TRIM71: variants seen among roughly 807,000 people sequenced by gnomAD.
The protein encoded by TRIM71 is E3 ubiquitin-protein ligase TRIM71.
A neutral mutation model predicts 61.2 loss-of-function variants in TRIM71; 9 were observed. That is an observed-to-expected ratio of 0.15 (90% CI 0.09 to 0.26). The LOEUF is 0.26. Among genes scored for constraint, TRIM71 ranks in the 10% least tolerant of loss-of-function variants. The pLI is 1.00. For missense variants in TRIM71, 998 were observed against 1,238.7 expected (o/e 0.81, Z 2.92); for synonymous variants, 645 against 553.2 (o/e 1.17, Z -2.33).
intron 3 of TRIM71, among the ~76,000 whole-genome samples, chr3:32,888,453 A>G (rs1273358972): frequency 1.3e-5 from 1 of 76,048 alleles, no homozygotes; most frequent in African/African-American, 3.9e-5. Flanking sequence ...AAAAAAAAAA[A>G]AAAAAAAAAA....
chr3:32,849,828 C>G (rs1463681715), intron 1 of TRIM71, among the ~76,000 whole-genome samples: 1 of 152,160 alleles, frequency 6.6e-6, no homozygotes, highest in Non-Finnish European at 1.5e-5. Context: ...TGTGTACTTT[C>G]TCTCCAGAAA....
chr3:32,844,092 C>G (rs548357900), intron 1 of TRIM71, among the ~76,000 whole-genome samples: 2 of 152,162 alleles, frequency 1.3e-5, no homozygotes, highest in African/African-American at 4.8e-5. Flanking sequence ...CCCATGCTTT[C>G]TCGCGTCGTC....
chr3:32,867,439 G>A (rs945880673), intron 1 of TRIM71, among the ~76,000 whole-genome samples: 1 of 152,122 alleles, frequency 6.6e-6, no homozygotes, highest in African/African-American at 2.4e-5. Flanking sequence ...GTGTGTGTGT[G>A]TATGTGTGTA....
intron 2 of TRIM71, among the ~76,000 whole-genome samples, chr3:32,883,597 C>T (rs1407864538): frequency 6.6e-6 from 1 of 152,242 alleles, no homozygotes; most frequent in African/African-American, 2.4e-5. Flanking sequence ...ACTATAACCT[C>T]ATCTTAGCTA....
In TRIM71 at chr3:32,848,494, G is replaced by A. The variant is rs113088783; in HGVS notation, c.853-25324G>A. On this transcript the variant is annotated intron_variant, in intron 1 of 3. Coordinates refer to ENST00000383763, the MANE Select transcript of TRIM71 (RefSeq NM_001039111.3). The stretch of plus-strand genomic sequence containing the variant: ...TCAGGGCATGAAGCCGTTGTGGAAG[G>A]TTCCCTCCGAAGAAATAAGGGGATT... 4.9e-3 allele frequency among the ~76,000 whole-genome samples: 751 copies of A among 152,274 alleles called. 6 individuals carry two copies. The highest frequency in any genetic ancestry group is 0.017 in the African/African-American group (715 of 41,562).
At chr3:32,840,956 A>G (rs1427555577) in intron 1 of TRIM71, among the ~76,000 whole-genome samples, 1 of 152,096 alleles carries the variant, frequency 6.6e-6, no homozygotes, top group Non-Finnish European at 1.5e-5. Context: ...TCCTCATTTA[A>G]AAAAGCCTGG....
intron 1 of TRIM71, among the ~76,000 whole-genome samples, chr3:32,853,961 G>A (rs2125682817): frequency 6.6e-6 from 1 of 151,622 alleles, no homozygotes; most frequent in Admixed American, 6.6e-5. Context: ...CTGAGACCAC[G>A]CCACTGCACT....
At chr3:32,844,102 C>A (rs756369635) in intron 1 of TRIM71, among the ~76,000 whole-genome samples, 1 of 152,106 alleles carries the variant, frequency 6.6e-6, no homozygotes, top group Middle Eastern at 3.2e-3. Flanking sequence ...CTCGCGTCGT[C>A]GTTATTTTGT....
chr3:32,863,195 CTTTTTTTTTTTTTTTT>C (rs11348995), intron 1 of TRIM71, among the ~76,000 whole-genome samples: 1 of 53,716 alleles, frequency 1.9e-5, no homozygotes, highest in Non-Finnish European at 3.3e-5. Flanking sequence ...TTAATTGAAC[CTTTTTTTTTTTTTTTT>C]TTTTTTTTTT....
chr3:32,852,060 G>A (rs1170523349), intron 1 of TRIM71, among the ~76,000 whole-genome samples: 1 of 152,180 alleles, frequency 6.6e-6, no homozygotes, highest in African/African-American at 2.4e-5. Flanking sequence ...GAGGGGTCCT[G>A]TGGGAACAAA....
At chr3:32,879,212 G>A (rs1559549701) in intron 2 of TRIM71, among the ~76,000 whole-genome samples, 1 of 152,254 alleles carries the variant, frequency 6.6e-6, no homozygotes, top group Admixed American at 6.5e-5. Flanking sequence ...TTAAGGAGAT[G>A]TTATGGCTGG....
chr3:32,881,577 A>G (rs1696907447), intron 2 of TRIM71, among the ~76,000 whole-genome samples: 1 of 152,238 alleles, frequency 6.6e-6, no homozygotes. Context: ...GTCCAAATGT[A>G]GACCCTCAAC....
intron 1 of TRIM71, among the ~76,000 whole-genome samples, chr3:32,821,396 G>C (rs1022205800): frequency 1.3e-5 from 2 of 152,062 alleles, no homozygotes; most frequent in Non-Finnish European, 2.9e-5. Context: ...CCTGACCTTG[G>C]GAAGGAGGCC....
In TRIM71 at chr3:32,851,954, T is replaced by C. The variant is rs568257975; in HGVS notation, c.853-21864T>C. Among the ~76,000 whole-genome samples, 45 of 152,330 alleles carry C rather than the reference T, an allele frequency of 3.0e-4. 1 individual carries two copies. The highest frequency in any genetic ancestry group is 1.6e-3 in the Admixed American group (25 of 15,302). On this transcript the variant is annotated intron_variant, in intron 1 of 3. Coordinates refer to ENST00000383763, the MANE Select transcript of TRIM71 (RefSeq NM_001039111.3). ...ACTTAGGCATAGCAACAGCTTTCTT[T>C]TGTGGGGTAGGCAGGAAAGGAATTT...
intron 1 of TRIM71, among the ~76,000 whole-genome samples, chr3:32,851,809 GT>G (rs1396898235): frequency 6.6e-6 from 1 of 152,176 alleles, no homozygotes; most frequent in Non-Finnish European, 1.5e-5. Flanking sequence ...GGTTGGGGCA[GT>G]TCTACTGTGT....
intron 1 of TRIM71, among the ~76,000 whole-genome samples, chr3:32,871,871 C>T (rs1036933172): frequency 2.0e-5 from 3 of 152,198 alleles, no homozygotes; most frequent in Non-Finnish European, 2.9e-5. Context: ...GGGCCGGGTG[C>T]GTTGGCTCAC....
chr3:32,835,741 T>C (rs1313724145), intron 1 of TRIM71, among the ~76,000 whole-genome samples: 1 of 152,220 alleles, frequency 6.6e-6, no homozygotes, highest in Non-Finnish European at 1.5e-5. Context: ...GAAGTAACTT[T>C]AGTTAACTCT....
chr3:32,857,989 CAA>C (rs1419865003), intron 1 of TRIM71, among the ~76,000 whole-genome samples: 1 of 151,748 alleles, frequency 6.6e-6, no homozygotes, highest in African/African-American at 2.4e-5. Flanking sequence ...GGGCGGGACA[CAA>C]AAAGAAGAAG....
At chr3:32,880,577 C>G (rs1301701602) in intron 2 of TRIM71, among the ~76,000 whole-genome samples, 1 of 152,124 alleles carries the variant, frequency 6.6e-6, no homozygotes, top group Non-Finnish European at 1.5e-5. Context: ...TGAGTTAATT[C>G]TGGATTGTCC....
Sources: gnomAD v4.1 joint callset for allele counts (sites outside exome capture counted in the v4.1 genomes callset) on GRCh38, gnomAD v4.1.1 for gene constraint, MANE v1.5 for transcripts, NCBI Gene and HGNC (gene_info 2026-07-23, HGNC 2026-07-21) for gene names.